DCAF6: variants seen among roughly 807,000 people sequenced by gnomAD.
The protein encoded by DCAF6 is DDB1 and CUL4 associated factor 6, also known as DDB1- and CUL4-associated factor 6.
DCAF6 carries 54 observed loss-of-function variants against 125.1 expected under a neutral mutation model. The observed-to-expected ratio is 0.43, with a 90% CI of 0.35 to 0.54. The LOEUF is 0.54. DCAF6 is among the 20% of genes least tolerant of loss of function. DCAF6 has a pLI of 0.01. For missense variants in DCAF6, 934 were observed against 1,161.7 expected (o/e 0.80, Z 2.85); for synonymous variants, 371 against 390.4 (o/e 0.95, Z 0.58).
chr1:167,993,429 A>C lies in DCAF6; in HGVS notation c.892A>C (p.Arg298=), dbSNP rs1028764176. The stretch of plus-strand genomic sequence containing the variant: ...ACTTAAAACTCCTTCTGCGGAAGAG[A>C]GAAGAGAAGAGGTAGGTTTACTCAA... ...RELKTPSAEE[R]REELRQPPVK... Residue 298 remains arginine (R), a synonymous_variant, in exon 7 of 22, where the codon AGA becomes CGA. Transcript: ENST00000367840. 1.9e-6 allele frequency: 3 copies of C among 1,613,558 alleles called. No homozygotes were observed. Among genetic ancestry groups the C allele is most frequent in the Non-Finnish European group, 2.5e-6 (3 of 1,179,632 alleles).
At chr1:167,939,861 C>CT (rs1671964023) in intron 1 of DCAF6, among the ~76,000 whole-genome samples, 1 of 152,066 alleles carries the variant, frequency 6.6e-6, no homozygotes, top group African/African-American at 2.4e-5. Flanking sequence ...AAATAGATTC[C>CT]TTTTTTAAAA....
At chr1:168,071,898 T>C (rs55872845) in intron 21 of DCAF6, among the ~76,000 whole-genome samples, 1,980 of 152,270 alleles carry the variant, frequency 0.013, 23 homozygotes, top group South Asian at 0.025. Flanking sequence ...CTCAAACTCA[T>C]CAAGCTTAGT....
In DCAF6 at chr1:167,951,490, G is replaced by A. The variant is rs1351985603; in HGVS notation, c.98-310G>A. 2.0e-5 allele frequency among the ~76,000 whole-genome samples: 3 copies of A among 152,160 alleles called. No individual in the cohort carries two copies. In the East Asian group the frequency reaches 5.8e-4, roughly 29 times the overall value. ...CTTGGGAAGCTGAGGAAGGAGAATT[G>A]CTTGAACTTGGGAGGCAGAGGTTGC... On this transcript the variant is annotated intron_variant, in intron 1 of 21. Coordinates refer to ENST00000367840, the MANE Select transcript of DCAF6 (RefSeq NM_001198956.2).
Position 168,062,584 on chromosome 1 carries a change from A to G in DCAF6, c.2301-1037A>G, listed in dbSNP as rs1419228014. 5.9e-5 allele frequency among the ~76,000 whole-genome samples: 9 copies of G among 152,226 alleles called. No homozygotes were observed. In the South Asian group the frequency reaches 1.5e-3, roughly 25 times the overall value. ...ATTAGTGAGACTGAGCATCTTTTAT[A>G]TATTTGTTAACTGTTATGAGATCTG... On this transcript the variant is annotated intron_variant, in intron 17 of 21. Transcript: ENST00000367840.
At chr1:167,937,320 G>C (rs1671433674) in intron 1 of DCAF6, 1 of 385,522 alleles carries the variant, frequency 2.6e-6, no homozygotes, top group Non-Finnish European at 5.0e-6. Context: ...GAACCTCCAG[G>C]AGCTGCCGCG....
chr1:167,883,586 G>A, the DCAF6 span: 2 of 1,614,164 alleles, frequency 1.2e-6, no homozygotes, highest in African/African-American at 1.3e-5. Flanking sequence ...ATCGTCACTG[G>A]GCGAAGCTCA....
intron 3 of DCAF6, 142 bp downstream of exon 3, chr1:167,966,863 G>A: frequency 1.7e-6 from 1 of 577,266 alleles, no homozygotes; most frequent in Non-Finnish European, 3.1e-6. Flanking sequence ...GTATAATTTA[G>A]AGGTTCTTAG....
intron 12 of DCAF6, among the ~76,000 whole-genome samples, chr1:168,024,736 G>A (rs1487069754): frequency 2.6e-5 from 4 of 151,372 alleles, no homozygotes; most frequent in African/African-American, 2.4e-5. Flanking sequence ...CCTGGGAGGC[G>A]GAGGTTACAG....
chr1:168,062,012 C>T (rs1300704359), intron 17 of DCAF6, among the ~76,000 whole-genome samples: 1 of 151,856 alleles, frequency 6.6e-6, no homozygotes, highest in African/African-American at 2.4e-5. Context: ...CCAATGTCCA[C>T]CAATAGTAGA....
chr1:167,905,316 G>C, the DCAF6 span: 4 of 784,648 alleles, frequency 5.1e-6, no homozygotes, highest in Non-Finnish European at 6.3e-6. Context: ...GAAAATGCCA[G>C]AGTTGTTGAG....
chr1:168,037,281 TA>T (rs917649683), intron 12 of DCAF6, among the ~76,000 whole-genome samples: 70 of 151,440 alleles, frequency 4.6e-4, no homozygotes, highest in African/African-American at 1.5e-3. Context: ...GATCCAATAA[TA>T]AAAAAAAATC....
At chr1:167,911,238 A>G in the DCAF6 span, among the ~76,000 whole-genome samples, 11 of 152,238 alleles carry the variant, frequency 7.2e-5, no homozygotes, top group Non-Finnish European at 1.6e-4. Flanking sequence ...GTTCCTCTTC[A>G]AAGACTTTCC....
chr1:167,931,819 T>G (rs1670920295), upstream of DCAF6, among the ~76,000 whole-genome samples: 1 of 152,224 alleles, frequency 6.6e-6, no homozygotes, highest in Admixed American at 6.5e-5. Flanking sequence ...AGATATTTCC[T>G]TATAAACACT....
chr1:167,887,494 A>G, the DCAF6 span, among the ~76,000 whole-genome samples: 21 of 152,234 alleles, frequency 1.4e-4, no homozygotes, highest in African/African-American at 4.3e-4. Flanking sequence ...GAATTGAACA[A>G]TGAGAACACT....
At chr1:167,880,401 T>A in the DCAF6 span, 1 of 1,075,532 alleles carries the variant, frequency 9.3e-7, no homozygotes, top group African/African-American at 1.6e-5. Flanking sequence ...CTTAATTAAT[T>A]CTTCTTTCTT....
At chr1:167,985,082 G>A (rs1165876381) in intron 4 of DCAF6, among the ~76,000 whole-genome samples, 1 of 152,014 alleles carries the variant, frequency 6.6e-6, no homozygotes, top group South Asian at 2.1e-4. Flanking sequence ...GAACAGCATG[G>A]GAAAGACCTG....
intron 12 of DCAF6, among the ~76,000 whole-genome samples, chr1:168,026,577 T>C (rs1686368565): frequency 6.6e-6 from 1 of 152,096 alleles, no homozygotes; most frequent in African/African-American, 2.4e-5. Flanking sequence ...TTCATGGGAC[T>C]TTGAGACTGA....
chr1:167,991,071 G>T, intron 5 of DCAF6, 133 bp from the exon 6 acceptor site: 1 of 672,014 alleles, frequency 1.5e-6, no homozygotes, highest in Non-Finnish European at 2.2e-6. Context: ...TTGTTTTTCC[G>T]CTCATTGTCA....
chr1:167,933,665 T>C (rs367545350), upstream of DCAF6, among the ~76,000 whole-genome samples: 213 of 152,386 alleles, frequency 1.4e-3, 7 homozygotes, highest in South Asian at 0.04. Flanking sequence ...CAAAATAGTA[T>C]GCAAAATCCT....
Sources: gnomAD v4.1 joint callset for allele counts (sites outside exome capture counted in the v4.1 genomes callset) on GRCh38, gnomAD v4.1.1 for gene constraint, MANE v1.5 for transcripts, NCBI Gene and HGNC (gene_info 2026-07-23, HGNC 2026-07-21) for gene names.